Variants in SPECC1L observed in about 807,000 individuals in gnomAD.
The protein encoded by SPECC1L is sperm antigen with calponin homology and coiled-coil domains 1 like.
Under a neutral mutation model 116.8 loss-of-function variants are expected in SPECC1L, and 40 were observed. That is an observed-to-expected ratio of 0.34 (90% confidence interval 0.27 to 0.45). The LOEUF (loss-of-function observed/expected upper bound fraction) is 0.45, where lower values mean the gene tolerates loss of function less well. Ranked by LOEUF, SPECC1L falls within the 20% of genes least tolerant of loss-of-function variation. The pLI is 1.00. For missense variants in SPECC1L, 1,110 were observed against 1,373.6 expected, an observed-to-expected ratio of 0.81 and a Z score of 3.03; for synonymous variants, 504 against 500.6, an observed-to-expected ratio of 1.01 and a Z score of -0.09.
intron 14 of SPECC1L, among the ~76,000 whole-genome samples, chr22:24,386,666 CTA>C (rs1258282033): frequency 1.3e-5 from 2 of 151,956 alleles, no homozygotes; most frequent in Non-Finnish European, 2.9e-5. Context: ...TGCAGTGGCG[CTA>C]TCTCAGCTCA....
intron 11 of SPECC1L, among the ~76,000 whole-genome samples, chr22:24,349,472 G>C (rs1474726944): frequency 6.6e-6 from 1 of 152,140 alleles, no homozygotes; most frequent in African/African-American, 2.4e-5. Flanking sequence ...TTTTTGTGCT[G>C]AGGACTGTCA....
intron 11 of SPECC1L, among the ~76,000 whole-genome samples, chr22:24,350,717 A>T (rs1445667656): frequency 6.6e-6 from 1 of 152,096 alleles, no homozygotes; most frequent in Non-Finnish European, 1.5e-5. Context: ...GAACGTTTCC[A>T]CTCTGCTGCT....
At chr22:24,359,121 C>G (rs1470104288) in intron 11 of SPECC1L, among the ~76,000 whole-genome samples, 1 of 152,212 alleles carries the variant, frequency 6.6e-6, no homozygotes, top group African/African-American at 2.4e-5. Flanking sequence ...TATCCTCCCT[C>G]TGTTGCCCAC....
At chr22:24,288,132 T>A (rs535180981) in intron 2 of SPECC1L, among the ~76,000 whole-genome samples, 1 of 152,294 alleles carries the variant, frequency 6.6e-6, no homozygotes, top group Non-Finnish European at 1.5e-5. Context: ...AGATTGTCTG[T>A]ACACATGAGA....
chr22:24,379,590 A>C (rs1354682053), intron 14 of SPECC1L, among the ~76,000 whole-genome samples: 1 of 152,204 alleles, frequency 6.6e-6, no homozygotes, highest in African/African-American at 2.4e-5. Context: ...GGTACTTAAA[A>C]TGCAGGGGGA....
chr22:24,345,855 G>A (rs1018436481), intron 10 of SPECC1L, among the ~76,000 whole-genome samples: 15 of 152,152 alleles, frequency 9.9e-5, no homozygotes, highest in Admixed American at 2.0e-4. Context: ...AGGGCTGGGC[G>A]AAATCTGTGG....
chr22:24,408,784 A>G (rs1010072511), intron 14 of SPECC1L, among the ~76,000 whole-genome samples: 4 of 152,272 alleles, frequency 2.6e-5, no homozygotes, highest in African/African-American at 7.2e-5. Flanking sequence ...TTGCACAGAC[A>G]CTGGAACGTT....
intron 13 of SPECC1L, among the ~76,000 whole-genome samples, chr22:24,366,252 G>T (rs1402096397): frequency 6.6e-6 from 1 of 151,954 alleles, no homozygotes; most frequent in African/African-American, 2.4e-5. Context: ...GAGTGCAGTG[G>T]CGCGATCTCG....
intron 2 of SPECC1L, among the ~76,000 whole-genome samples, chr22:24,281,738 T>G (rs1474738600): frequency 6.6e-6 from 1 of 152,240 alleles, no homozygotes; most frequent in Admixed American, 6.5e-5. Flanking sequence ...TAAAGACAGT[T>G]GTACTTTTTT....
chr22:24,285,343 G>A (rs1341165231), intron 2 of SPECC1L, among the ~76,000 whole-genome samples: 1 of 152,308 alleles, frequency 6.6e-6, no homozygotes, highest in Admixed American at 6.5e-5. Context: ...TCCACACATC[G>A]TTTGATGTGG....
At chr22:24,301,440 T>G (rs937621640) in intron 2 of SPECC1L, among the ~76,000 whole-genome samples, 1 of 152,206 alleles carries the variant, frequency 6.6e-6, no homozygotes, top group Non-Finnish European at 1.5e-5. Flanking sequence ...AAAATACGTT[T>G]ATTATACCTA....
rs117556568 is a variant in SPECC1L at position 24,359,129 on chromosome 22, C to T, written c.2744-4132C>T. On this transcript the variant is annotated intron_variant, in intron 11 of 16. Coordinates refer to ENST00000314328, the MANE Select transcript of SPECC1L (RefSeq NM_015330.6). Reference sequence around the variant, plus strand: ...AAAAAACTATCCTCCCTCTGTTGCCCACCAGCTACTATACTTTCTTCCTTA... The same window carrying T: ...AAAAAACTATCCTCCCTCTGTTGCCTACCAGCTACTATACTTTCTTCCTTA... 4.8e-3 allele frequency among the ~76,000 whole-genome samples: 729 copies of T among 152,238 alleles called. 2 individuals carry two copies. The highest frequency in any genetic ancestry group is 7.3e-3 in the Non-Finnish European group (499 of 68,024).
chr22:24,402,673 C>G (rs2042503429), intron 14 of SPECC1L, among the ~76,000 whole-genome samples: 1 of 152,298 alleles, frequency 6.6e-6, no homozygotes, highest in Non-Finnish European at 1.5e-5. Flanking sequence ...CTGCACGGCT[C>G]AGACAGGCAT....
Position 24,321,306 on chromosome 22 carries a change from A to T in SPECC1L, c.326A>T (p.Lys109Met), listed in dbSNP as rs1487018156. Reference sequence around the variant, plus strand: ...CACATAGGCACAGCTTCTTCAACCAAGCGGAGCACTTCTACAGGTAATAAA... The same window carrying T: ...CACATAGGCACAGCTTCTTCAACCATGCGGAGCACTTCTACAGGTAATAAA... ...KISTGTASSTKRSTSTGNKES... is the reference protein window; with the variant it reads ...KISTGTASSTMRSTSTGNKES... The change falls in exon 5 of 17, where the codon AAG becomes ATG. Residue 109 changes from lysine (K) to methionine (M), a missense_variant. By Grantham distance (95) the Lys-to-Met change is moderately conservative. Coordinates refer to ENST00000314328, the MANE Select transcript of SPECC1L (RefSeq NM_015330.6). The T allele has an allele frequency of 6.2e-7, 1 of 1,614,126 alleles. No individual in the cohort carries two copies. The highest frequency in any genetic ancestry group is 1.7e-5 in the Admixed American group (1 of 60,028).
At position 24,414,797 on chromosome 22, in the gene SPECC1L, A is replaced by G. The variant is rs2042772034; in HGVS notation, c.*174A>G. On this transcript the variant is annotated 3_prime_UTR_variant, in exon 17 of 17. Coordinates refer to ENST00000314328, the MANE Select transcript of SPECC1L (RefSeq NM_015330.6). ...TTGGAAGAACTCAGCCGTGTGGCCC[A>G]CAGCTCCCACCAGGGCCCCTCCCAC... 1 of 639,408 alleles carries G rather than the reference A, an allele frequency of 1.6e-6. No homozygotes were observed. The highest frequency in any genetic ancestry group is 2.8e-6 in the Non-Finnish European group (1 of 352,048). The allele number at this position is 639,408 out of a possible 1,614,324, so 39.6% of individuals were successfully genotyped here. A position where few individuals can be genotyped will look rare whatever the true frequency, so the allele number is the denominator to read the frequency against.
chr22:24,325,325 AG>A (rs1242884342), intron 6 of SPECC1L, among the ~76,000 whole-genome samples: 1 of 152,214 alleles, frequency 6.6e-6, no homozygotes, highest in Non-Finnish European at 1.5e-5. Flanking sequence ...AAATCGTGCT[AG>A]ATGGCAGTTT....
At chr22:24,290,798 A>G (rs751064946) in intron 2 of SPECC1L, among the ~76,000 whole-genome samples, 1 of 152,260 alleles carries the variant, frequency 6.6e-6, no homozygotes, top group Non-Finnish European at 1.5e-5. Context: ...AATGTGTGTC[A>G]TAATTCACCA....
chr22:24,396,295 G>GTT (rs11287152), intron 14 of SPECC1L, among the ~76,000 whole-genome samples: 1 of 148,328 alleles, frequency 6.7e-6, no homozygotes, highest in African/African-American at 2.5e-5. Flanking sequence ...ACTTTCTGTG[G>GTT]TTTTTTTTTT....
chr22:24,308,255 T>C (rs916629820), intron 3 of SPECC1L, among the ~76,000 whole-genome samples: 1 of 152,128 alleles, frequency 6.6e-6, no homozygotes, highest in Non-Finnish European at 1.5e-5. Flanking sequence ...ATTTCAGATA[T>C]AGCAAAAGAG....
Sources: allele counts gnomAD v4.1 joint callset (sites outside exome capture counted in the v4.1 genomes callset), GRCh38; gene constraint gnomAD v4.1.1; transcripts MANE v1.5; gene names NCBI Gene and HGNC (gene_info 2026-07-23, HGNC 2026-07-21).